SLC41A2: variants seen among roughly 807,000 people sequenced by gnomAD.
SLC41A2 encodes the protein SLC41A1-like 1.
Under a neutral mutation model 58.3 loss-of-function variants are expected in SLC41A2, and 32 were observed. That is an observed-to-expected ratio of 0.55 (90% CI 0.41 to 0.74). The LOEUF (loss-of-function observed/expected upper bound fraction) is 0.74. Among genes scored for constraint, SLC41A2 ranks in the 30% least tolerant of loss-of-function variants. The probability of loss-of-function intolerance (pLI) is 0.00; values close to 1 mark genes in which losing one functional copy is unlikely to be tolerated. For synonymous variants in SLC41A2, 190 were observed against 235.0 expected, an observed-to-expected ratio of 0.81 and a Z score of 1.75; for missense variants, 514 against 680.6, an observed-to-expected ratio of 0.76 and a Z score of 2.72.
At chr12:104,897,038 C>T (rs568165708) in intron 3 of SLC41A2, among the ~76,000 whole-genome samples, 55 of 152,260 alleles carry the variant, frequency 3.6e-4, no homozygotes, top group Middle Eastern at 6.8e-3. Context: ...TCCAACTTCT[C>T]CTACAGTCAT....
intron 6 of SLC41A2, among the ~76,000 whole-genome samples, chr12:104,884,088 C>A (rs954711307): frequency 3.3e-5 from 5 of 152,240 alleles, no homozygotes; most frequent in Non-Finnish European, 5.9e-5. Context: ...CCTCGCAGTT[C>A]CATCTCAGAC....
At chr12:104,853,746 T>TGTAC (rs1802623651) in intron 8 of SLC41A2, among the ~76,000 whole-genome samples, 1 of 149,536 alleles carries the variant, frequency 6.7e-6, no homozygotes, top group Non-Finnish European at 1.5e-5. Context: ...TATGTATGTA[T>TGTAC]GTATGTATGT....
intron 1 of SLC41A2, among the ~76,000 whole-genome samples, chr12:104,948,735 G>A (rs962394777): frequency 4.6e-5 from 7 of 152,184 alleles, no homozygotes; most frequent in South Asian, 2.1e-4. Context: ...AAGGATGATA[G>A]AACCAAGGTG....
chr12:104,874,635 T>G (rs2043959829), intron 6 of SLC41A2, among the ~76,000 whole-genome samples: 1 of 152,218 alleles, frequency 6.6e-6, no homozygotes, highest in Non-Finnish European at 1.5e-5. Flanking sequence ...TGTGTCTTCT[T>G]GGTGCCCTTG....
intron 3 of SLC41A2, among the ~76,000 whole-genome samples, chr12:104,908,691 A>G (rs1051540274): frequency 5.9e-5 from 9 of 152,254 alleles, no homozygotes; most frequent in South Asian, 2.1e-4. Context: ...GGCAAACCCC[A>G]AAATCATATT....
At chr12:104,941,392 C>A (rs1450317889) in intron 1 of SLC41A2, among the ~76,000 whole-genome samples, 2 of 152,126 alleles carry the variant, frequency 1.3e-5, no homozygotes, top group Non-Finnish European at 2.9e-5. Context: ...TTGAATAAAT[C>A]CTCTATATAA....
rs551701883 is a variant in SLC41A2, at chr12:104,804,912, C to T, written c.*240G>A. Reference sequence around the variant, plus strand: ...TTCCTAATTAATTTCAGAGCTGGAACTTATATCTATGTCTATGTCAAATTA... The same window carrying T: ...TTCCTAATTAATTTCAGAGCTGGAATTTATATCTATGTCTATGTCAAATTA... On this transcript the variant is annotated 3_prime_UTR_variant, in exon 11 of 11. Transcript: ENST00000258538. 8.7e-5 allele frequency: 26 copies of T among 297,462 alleles called. No individual in the cohort carries two copies. Among genetic ancestry groups the T allele is most frequent in the Admixed American group, 2.4e-4 (5 of 20,516 alleles). 18.4% of individuals were successfully genotyped at this position (297,462 alleles called of 1,614,324 possible).
intron 6 of SLC41A2, among the ~76,000 whole-genome samples, chr12:104,868,258 C>CT (rs2043573866): frequency 6.6e-6 from 1 of 152,110 alleles, no homozygotes; most frequent in Non-Finnish European, 1.5e-5. Flanking sequence ...CCAATAATTT[C>CT]TTTAATAGAA....
At chr12:104,937,700 G>T (rs2047340170) in intron 1 of SLC41A2, among the ~76,000 whole-genome samples, 1 of 152,166 alleles carries the variant, frequency 6.6e-6, no homozygotes, top group Non-Finnish European at 1.5e-5. Flanking sequence ...GTGGTCTTGG[G>T]TCCAGTGGCA....
At chr12:104,916,807 T>G (rs957648669) in intron 2 of SLC41A2, among the ~76,000 whole-genome samples, 1 of 152,152 alleles carries the variant, frequency 6.6e-6, no homozygotes, top group African/African-American at 2.4e-5. Flanking sequence ...TCCTTACACC[T>G]TATACAAAAA....
At chr12:104,896,554 AT>A (rs1271940954) in intron 3 of SLC41A2, among the ~76,000 whole-genome samples, 1 of 152,156 alleles carries the variant, frequency 6.6e-6, no homozygotes, top group African/African-American at 2.4e-5. Flanking sequence ...AATTAGTGTT[AT>A]TTTTTAATAA....
intron 1 of SLC41A2, among the ~76,000 whole-genome samples, chr12:104,935,647 G>A (rs894649281): frequency 2.6e-5 from 4 of 152,268 alleles, no homozygotes; most frequent in Admixed American, 1.3e-4. Flanking sequence ...ACAACACAAA[G>A]GCCACTCTGA....
At chr12:104,904,041 G>A (rs191445566) in intron 3 of SLC41A2, among the ~76,000 whole-genome samples, 10 of 152,264 alleles carry the variant, frequency 6.6e-5, no homozygotes, top group Admixed American at 5.2e-4. Context: ...CAGGTTTAAC[G>A]GTAGTATGTG....
intron 2 of SLC41A2, among the ~76,000 whole-genome samples, chr12:104,919,336 T>A (rs950937338): frequency 6.6e-6 from 1 of 152,232 alleles, no homozygotes; most frequent in Non-Finnish European, 1.5e-5. Context: ...TGAACATAAG[T>A]CTGCATTCTC....
At chr12:104,900,117 C>T (rs2045490154) in intron 3 of SLC41A2, among the ~76,000 whole-genome samples, 1 of 152,118 alleles carries the variant, frequency 6.6e-6, no homozygotes, top group Admixed American at 6.6e-5. Flanking sequence ...CATATGAGAT[C>T]CAGGGATAGG....
rs1403947563 is a variant in SLC41A2, at chr12:104,804,007, G to C, written c.*1145C>G. On this transcript the variant is annotated 3_prime_UTR_variant, in exon 11 of 11. Transcript: ENST00000258538. ...GTAGGTAACAAATTAGCTGGGCGTTGTGGCGCATTCCTGTAATCCCAGCTA... is the reference window on the plus strand; with the variant it reads ...GTAGGTAACAAATTAGCTGGGCGTTCTGGCGCATTCCTGTAATCCCAGCTA... The C allele has an allele frequency of 1.3e-5, 2 of 151,646 alleles. No homozygotes were observed. Among genetic ancestry groups the C allele is most frequent in the Non-Finnish European group, 2.9e-5 (2 of 67,944 alleles). 9.4% of individuals were successfully genotyped at this position (151,646 alleles called of 1,614,324 possible).
At chr12:104,874,074 T>TA (rs1225230196) in intron 6 of SLC41A2, among the ~76,000 whole-genome samples, 1 of 125,824 alleles carries the variant, frequency 7.9e-6, no homozygotes, top group African/African-American at 3.5e-5. Context: ...CCTGAGTTTG[T>TA]TTTTTTTTTT....
Position 104,805,050 on chromosome 12 carries a change from T to C in SLC41A2, c.*102A>G, listed in dbSNP as rs1164538690. ...AATCAGGGCCAACTGAAGATTACCC[T>C]GGCAAAAGTCAAACTACTGATTTAA... On this transcript the variant is annotated 3_prime_UTR_variant, in exon 11 of 11. Coordinates refer to ENST00000258538, the MANE Select transcript of SLC41A2 (RefSeq NM_001352171.3). The C allele has an allele frequency of 2.1e-5, 22 of 1,066,604 alleles. No homozygotes were observed. The highest frequency in any genetic ancestry group is 2.9e-5 in the Non-Finnish European group (22 of 760,330). The allele number at this position is 1,066,604 out of a possible 1,614,324, so 66.1% of individuals were successfully genotyped here.
intron 6 of SLC41A2, among the ~76,000 whole-genome samples, chr12:104,883,824 C>A (rs991880901): frequency 1.3e-5 from 2 of 152,202 alleles, no homozygotes; most frequent in African/African-American, 4.8e-5. Context: ...GCAGTCTGTC[C>A]GTTCTCAGAT....
Sources: gnomAD v4.1 joint callset for allele counts (sites outside exome capture counted in the v4.1 genomes callset) on GRCh38, gnomAD v4.1.1 for gene constraint, MANE v1.5 for transcripts, NCBI Gene and HGNC (gene_info 2026-07-23, HGNC 2026-07-21) for gene names.